Variants in IQCM observed in about 807,000 individuals in gnomAD.
IQCM encodes IQ domain-containing protein M.
IQCM carries 45 observed loss-of-function variants against 57.6 expected under a neutral mutation model. The ratio of observed to expected loss-of-function variants is 0.78; its 90% CI spans 0.62 to 1.00. The LOEUF is 1.00. IQCM is among the 50% of genes least tolerant of loss of function. The pLI is 0.00. For missense variants in IQCM, 468 were observed against 511.6 expected, an observed-to-expected ratio of 0.91 and a Z score of 0.82; for synonymous variants, 148 against 158.9, an observed-to-expected ratio of 0.93 and a Z score of 0.51.
At chr4:149,740,191 A>G (rs147718754) in intron 3 of IQCM, among the ~76,000 whole-genome samples, 28 of 152,200 alleles carry the variant, frequency 1.8e-4, no homozygotes, top group Admixed American at 7.2e-4. Context: ...GATAATCTTA[A>G]GCAAAGATGT....
At chr4:149,675,021 G>T (rs1761630531) in intron 7 of IQCM, among the ~76,000 whole-genome samples, 1 of 152,036 alleles carries the variant, frequency 6.6e-6, no homozygotes, top group Non-Finnish European at 1.5e-5. Context: ...AAAGATTGTT[G>T]TAATTTGGAA....
rs185765946 is a variant in IQCM at position 149,733,507 on chromosome 4, T to C, written c.122A>G (p.Asn41Ser). The C allele has an allele frequency of 4.1e-6, 5 of 1,219,972 alleles. No homozygotes were observed. The allele number at this position is 1,219,972 out of a possible 1,614,324, so 75.6% of individuals were successfully genotyped here. A position where few individuals can be genotyped will look rare whatever the true frequency, so the allele number is the denominator to read the frequency against. ...IAQHYEKINE[N>S]KVQGTSINVF... is the part of the protein sequence containing the mutation. ...ATTTATAGAAGTACCTTGAACTTTA[T>C]TCTATGAATAAAACAAAAATAGATT... Residue 41 changes from asparagine to serine, a missense_variant and splice_region_variant, in exon 5 of 14, where the codon AAT becomes AGT. Transcript: ENST00000636793.
At chr4:149,744,180 A>C (rs1349586974) in intron 2 of IQCM, among the ~76,000 whole-genome samples, 1 of 152,178 alleles carries the variant, frequency 6.6e-6, no homozygotes, top group Non-Finnish European at 1.5e-5. Context: ...AAAATAGCAA[A>C]TCTGGAACAT....
intron 7 of IQCM, among the ~76,000 whole-genome samples, chr4:149,629,707 T>C (rs1757095261): frequency 6.6e-6 from 1 of 151,916 alleles, no homozygotes; most frequent in Non-Finnish European, 1.5e-5. Flanking sequence ...TAAAAATAAG[T>C]CTATATAATT....
intron 7 of IQCM, among the ~76,000 whole-genome samples, chr4:149,656,124 G>A (rs1205610958): frequency 6.6e-6 from 1 of 152,010 alleles, no homozygotes; most frequent in African/African-American, 2.4e-5. Flanking sequence ...CCATGCCTGG[G>A]GAGCCTGTGA....
intron 3 of IQCM, among the ~76,000 whole-genome samples, chr4:149,735,778 T>C (rs112670600): frequency 6.6e-6 from 1 of 152,314 alleles, no homozygotes; most frequent in Non-Finnish European, 1.5e-5. Flanking sequence ...CCATACTTGA[T>C]GACTAATGTA....
intron 7 of IQCM, 21 bp from the exon 8 acceptor site, chr4:149,621,265 G>A (rs1345205225): frequency 9.0e-7 from 1 of 1,115,106 alleles, no homozygotes; most frequent in African/African-American, 1.6e-5. Context: ...TATCAATGCA[G>A]GTTAAAACAA....
intron 7 of IQCM, among the ~76,000 whole-genome samples, chr4:149,631,407 C>T (rs1312316156): frequency 3.3e-5 from 5 of 152,000 alleles, no homozygotes; most frequent in Non-Finnish European, 5.9e-5. Flanking sequence ...GGGACTCCAA[C>T]ATAAAAATAA....
chr4:149,766,621 TA>T (rs1481403899), intron 2 of IQCM, among the ~76,000 whole-genome samples: 1 of 152,246 alleles, frequency 6.6e-6, no homozygotes, highest in African/African-American at 2.4e-5. Context: ...TATCAGAAAA[TA>T]AAGCCCATTT....
intron 12 of IQCM, among the ~76,000 whole-genome samples, chr4:149,448,331 T>TTCATA (rs1699365423): frequency 6.6e-6 from 1 of 151,546 alleles, no homozygotes; most frequent in Non-Finnish European, 1.5e-5. Flanking sequence ...AACATAAATA[T>TTCATA]TCATATCTCT....
Position 149,779,465 on chromosome 4 carries a change from A to G in IQCM, c.-49+35846T>C, listed in dbSNP as rs549929825. Among the ~76,000 whole-genome samples, 377 of 152,284 alleles carry G rather than the reference A, an allele frequency of 2.5e-3. 1 individual carries two copies. Among genetic ancestry groups the G allele is most frequent in the Non-Finnish European group, 4.4e-3 (300 of 67,996 alleles). Reference sequence around the variant, plus strand: ...GCACCCAGAAATTGTCAAAACACCAATATGCTGGGTTTTGACAAAGAAGCA... The same window carrying G: ...GCACCCAGAAATTGTCAAAACACCAGTATGCTGGGTTTTGACAAAGAAGCA... On this transcript the variant is annotated intron_variant, in intron 2 of 13. Transcript: ENST00000636793.
Position 149,542,570 on chromosome 4 carries a change from C to T in IQCM, c.1228+5885G>A, listed in dbSNP as rs536540235. Among the ~76,000 whole-genome samples, 110 of 152,100 alleles carry T rather than the reference C, an allele frequency of 7.2e-4. No individual in the cohort carries two copies. The Middle Eastern group carries it at 0.01, about 14-fold the overall frequency. ...CTCCCATCCATAAAATATGTATAAACGAGCATATCCCCTCCTCTAGCATAT... is the reference window on the plus strand; with the variant it reads ...CTCCCATCCATAAAATATGTATAAATGAGCATATCCCCTCCTCTAGCATAT... On this transcript the variant is annotated intron_variant, in intron 12 of 13. Transcript: ENST00000636793.
At chr4:149,704,542 C>T (rs1368100336) in intron 5 of IQCM, among the ~76,000 whole-genome samples, 1 of 151,680 alleles carries the variant, frequency 6.6e-6, no homozygotes, top group Admixed American at 6.6e-5. Context: ...TTTTCTGACC[C>T]CTAGATTAGG....
intron 5 of IQCM, among the ~76,000 whole-genome samples, chr4:149,712,333 AT>A (rs1764629213): frequency 6.6e-6 from 1 of 151,040 alleles, no homozygotes; most frequent in South Asian, 2.1e-4. Context: ...AGATACTGTC[AT>A]ACTGTCAATG....
At chr4:149,713,705 A>T (rs1467607665) in intron 5 of IQCM, among the ~76,000 whole-genome samples, 1 of 151,950 alleles carries the variant, frequency 6.6e-6, no homozygotes, top group Admixed American at 6.6e-5. Flanking sequence ...GTTCCCATAC[A>T]CTCCATGTGC....
rs1266277339 is a variant in IQCM, at chr4:149,735,452, G to A, written c.44C>T (p.Thr15Ile). The change falls in exon 4 of 14, where the codon ACA becomes ATA. Residue 15 changes from threonine to isoleucine, a missense_variant. Thr to Ile is a moderately conservative substitution (Grantham distance 89). Coordinates refer to ENST00000636793, the MANE Select transcript of IQCM (RefSeq NM_001363507.2). ...AAAGTCTTGCTTGGTGATCTCTAATGTAGGACCTAATATACAAACAGAGAA... is the reference window on the plus strand; with the variant it reads ...AAAGTCTTGCTTGGTGATCTCTAATATAGGACCTAATATACAAACAGAGAA... ...EAMPEKAKCP[T>I]LEITKQDFFQ... is the part of the protein sequence containing the mutation. The A allele has an allele frequency of 2.1e-5, 25 of 1,193,908 alleles. No individual in the cohort carries two copies. Among genetic ancestry groups the A allele is most frequent in the Non-Finnish European group, 2.3e-5 (22 of 953,010 alleles). The allele number at this position is 1,193,908 out of a possible 1,614,324, so 74.0% of individuals were successfully genotyped here. A position where few individuals can be genotyped will look rare whatever the true frequency, so the allele number is the denominator to read the frequency against.
chr4:149,565,283 T>A (rs139223423), intron 9 of IQCM, among the ~76,000 whole-genome samples: 31 of 152,260 alleles, frequency 2.0e-4, no homozygotes, highest in African/African-American at 7.2e-4. Context: ...CTGTTTTATT[T>A]AATTTTTATG....
intron 8 of IQCM, among the ~76,000 whole-genome samples, chr4:149,608,792 C>G (rs1473062125): frequency 1.3e-5 from 2 of 151,342 alleles, no homozygotes; most frequent in Non-Finnish European, 3.0e-5. Flanking sequence ...CAATAAATGC[C>G]TATATCAAAA....
intron 6 of IQCM, among the ~76,000 whole-genome samples, chr4:149,682,480 C>A (rs567124604): frequency 6.6e-5 from 10 of 151,076 alleles, no homozygotes; most frequent in African/African-American, 2.4e-4. Context: ...GGAAAATGAA[C>A]AAGCATCATA....
Sources: allele counts gnomAD v4.1 joint callset (sites outside exome capture counted in the v4.1 genomes callset), GRCh38; gene constraint gnomAD v4.1.1; transcripts MANE v1.5; gene names NCBI Gene and HGNC (gene_info 2026-07-23, HGNC 2026-07-21).